PTPRQ: variants seen among roughly 807,000 people sequenced by gnomAD.
PTPRQ encodes the protein protein tyrosine phosphatase receptor type Q.
PTPRQ carries 199 observed loss-of-function variants against 246.0 expected under a neutral mutation model. The observed-to-expected ratio is 0.81, with a 90% confidence interval of 0.72 to 0.91. The LOEUF (loss-of-function observed/expected upper bound fraction) is 0.91. Among genes scored for constraint, PTPRQ ranks in the 40% least tolerant of loss-of-function variants. The pLI, the probability that PTPRQ is intolerant of heterozygous loss-of-function variation, is 0.00. For synonymous variants in PTPRQ, 869 were observed against 853.2 expected (o/e 1.02, Z -0.32); for missense variants, 2,624 against 2,528.4 (o/e 1.04, Z -0.81).
chr12:80,608,058 A>G (rs1203832985), intron 27 of PTPRQ, among the ~76,000 whole-genome samples: 1 of 150,792 alleles, frequency 6.6e-6, no homozygotes, highest in Non-Finnish European at 1.5e-5. Flanking sequence ...GATAAAGGAG[A>G]CTTCATAGAG....
chr12:80,444,373 CT>C lies in PTPRQ; in HGVS notation c.33del (p.Phe11LeufsTer22). MDFLIIFLL[L>X]FIGTSETQVD... is the part of the protein sequence containing the mutation. ...GGATTTTCTTATCATTTTTCTTTTA[CT>C]TTTTATTGGGACTTCAGAGACACAG... On this transcript the variant is annotated frameshift_variant, in exon 1 of 45. Transcript: ENST00000644991. LOFTEE classifies it high-confidence loss of function. 1.4e-6 allele frequency: 2 copies of C among 1,480,704 alleles called. No individual in the cohort carries two copies. The highest frequency in any genetic ancestry group is 1.8e-6 in the Non-Finnish European group (2 of 1,085,642). 91.7% of individuals were successfully genotyped at this position (1,480,704 alleles called of 1,614,324 possible).
chr12:80,604,049 C>A (rs530140076), intron 26 of PTPRQ, among the ~76,000 whole-genome samples: 1 of 151,548 alleles, frequency 6.6e-6, no homozygotes, highest in Non-Finnish European at 1.5e-5. Context: ...CAAGATCATA[C>A]AACTTGTATT....
rs1420690849 is a variant in PTPRQ at position 80,555,894 on chromosome 12, C to T, written c.4285+6160C>T. 2.0e-5 allele frequency among the ~76,000 whole-genome samples: 3 copies of T among 152,110 alleles called. No individual in the cohort carries two copies. The East Asian group carries it at 5.8e-4, about 29-fold the overall frequency. ...CAGGTTCTAGGTGTGGGGTTCAAGA[C>T]CCAAGTTTGAGTGCCAGGTGGCATT... On this transcript the variant is annotated intron_variant, in intron 25 of 44. Coordinates refer to ENST00000644991, the MANE Select transcript of PTPRQ (RefSeq NM_001145026.2).
intron 17 of PTPRQ, among the ~76,000 whole-genome samples, chr12:80,527,324 A>T (rs1895716632): frequency 6.6e-6 from 1 of 152,122 alleles, no homozygotes; most frequent in Non-Finnish European, 1.5e-5. Flanking sequence ...AAAGTTATTT[A>T]ATTCATTATT....
At chr12:80,639,592 TTTTC>T (rs1281826608) in intron 35 of PTPRQ, among the ~76,000 whole-genome samples, 1 of 152,204 alleles carries the variant, frequency 6.6e-6, no homozygotes, top group East Asian at 1.9e-4. Context: ...TCTTCAATAA[TTTTC>T]TTTCTTCAGT....
intron 25 of PTPRQ, among the ~76,000 whole-genome samples, chr12:80,581,378 G>A (rs1340016597): frequency 1.3e-5 from 2 of 152,202 alleles, no homozygotes; most frequent in Non-Finnish European, 2.9e-5. Flanking sequence ...GCGCATGCTT[G>A]TGATCCTAGC....
At chr12:80,487,240 A>G (rs1894306258) in intron 9 of PTPRQ, among the ~76,000 whole-genome samples, 1 of 152,084 alleles carries the variant, frequency 6.6e-6, no homozygotes, top group Non-Finnish European at 1.5e-5. Context: ...CAAAACAGAA[A>G]TCTTCTCTGA....
At chr12:80,469,421 C>T (rs1350708025) in intron 7 of PTPRQ, among the ~76,000 whole-genome samples, 1 of 152,110 alleles carries the variant, frequency 6.6e-6, no homozygotes, top group Non-Finnish European at 1.5e-5. Context: ...TTGAGAGGAT[C>T]AAGTATTATA....
intron 37 of PTPRQ, among the ~76,000 whole-genome samples, chr12:80,650,991 C>T (rs1419940389): frequency 6.6e-6 from 1 of 151,832 alleles, no homozygotes; most frequent in Non-Finnish European, 1.5e-5. Flanking sequence ...ATTTGATAAA[C>T]CTTTTAACTC....
Position 80,534,895 on chromosome 12 carries a change from C to G in PTPRQ, c.2843C>G (p.Pro948Arg). ...TGTTCAATTATTTGTTTTATAGCAC[C>G]AAGCGATCCTCCCAAAGATGTTTAT... ...IISFQTPEGA[P>R]SDPPKDVYYA... The change falls in exon 19 of 45, where the codon CCA becomes CGA. Residue 948 changes from proline to arginine, a missense_variant. Physicochemically the swap from Pro to Arg is moderately radical, Grantham distance 103. Coordinates refer to ENST00000644991, the MANE Select transcript of PTPRQ (RefSeq NM_001145026.2). 6.5e-7 allele frequency: 1 copy of G among 1,547,696 alleles called. No individual in the cohort carries two copies. Among genetic ancestry groups the G allele is most frequent in the African/African-American group, 1.4e-5 (1 of 72,980 alleles).
chr12:80,600,441 C>T (rs1898104162), intron 26 of PTPRQ, among the ~76,000 whole-genome samples: 1 of 151,828 alleles, frequency 6.6e-6, no homozygotes, highest in East Asian at 2.0e-4. Flanking sequence ...GAAAACTTTG[C>T]ACTTTGTCCT....
At chr12:80,646,627 A>G (rs926148629) in intron 35 of PTPRQ, among the ~76,000 whole-genome samples, 8 of 152,162 alleles carry the variant, frequency 5.3e-5, no homozygotes, top group Non-Finnish European at 1.0e-4. Flanking sequence ...GTAGTAGGAA[A>G]CTATCTCCTT....
intron 30 of PTPRQ, 32 bp from the exon 31 acceptor site, chr12:80,619,352 C>A: frequency 6.5e-7 from 1 of 1,539,004 alleles, no homozygotes. Flanking sequence ...ACAATAACAT[C>A]AATTGCAGTG....
intron 43 of PTPRQ, among the ~76,000 whole-genome samples, chr12:80,676,753 G>C (rs898538506): frequency 6.6e-6 from 1 of 152,150 alleles, no homozygotes; most frequent in Non-Finnish European, 1.5e-5. Context: ...TACTTTTAGT[G>C]CCTCAAGGAA....
intron 7 of PTPRQ, among the ~76,000 whole-genome samples, chr12:80,469,815 A>G (rs908375856): frequency 6.6e-6 from 1 of 152,214 alleles, no homozygotes; most frequent in African/African-American, 2.4e-5. Flanking sequence ...TTATTGTTCA[A>G]TACTTGGCTG....
chr12:80,464,018 A>G (rs921277931), intron 6 of PTPRQ, among the ~76,000 whole-genome samples: 6 of 152,116 alleles, frequency 3.9e-5, no homozygotes, highest in Middle Eastern at 6.3e-3. Flanking sequence ...ACACATAACA[A>G]TATTAACTTT....
chr12:80,508,378 C>G (rs1378656621), intron 16 of PTPRQ, among the ~76,000 whole-genome samples: 1 of 151,938 alleles, frequency 6.6e-6, no homozygotes, highest in Non-Finnish European at 1.5e-5. Flanking sequence ...AATGTTCCCC[C>G]AAATTATTCA....
chr12:80,668,106 T>C (rs1037356521), intron 39 of PTPRQ, among the ~76,000 whole-genome samples: 1 of 151,996 alleles, frequency 6.6e-6, no homozygotes, highest in South Asian at 2.1e-4. Flanking sequence ...AAAAAGTAAA[T>C]GTTACCTTTT....
intron 25 of PTPRQ, among the ~76,000 whole-genome samples, chr12:80,583,011 T>C (rs1001022563): frequency 1.3e-5 from 2 of 152,234 alleles, no homozygotes; most frequent in African/African-American, 2.4e-5. Flanking sequence ...ATTCATCTCC[T>C]TGTAGACCCA....
Sources: gnomAD v4.1 joint callset for allele counts (sites outside exome capture counted in the v4.1 genomes callset) on GRCh38, gnomAD v4.1.1 for gene constraint, MANE v1.5 for transcripts, NCBI Gene and HGNC (gene_info 2026-07-23, HGNC 2026-07-21) for gene names.